The following FHOD3 variants were observed in gnomAD, a reference collection of about 807,000 sequenced individuals.
FHOD3 encodes the protein FH1/FH2 domain-containing protein 3.
A neutral mutation model predicts 173.0 loss-of-function variants in FHOD3; 90 were observed. The observed-to-expected ratio is 0.52, with a 90% CI of 0.44 to 0.62. The LOEUF (loss-of-function observed/expected upper bound fraction) is 0.62, where lower values mean the gene tolerates loss of function less well. Ranked by LOEUF, FHOD3 falls within the 20% of genes least tolerant of loss-of-function variation. The pLI, the probability that FHOD3 is intolerant of heterozygous loss-of-function variation, is 0.00. For synonymous variants in FHOD3, 828 were observed against 823.0 expected, an observed-to-expected ratio of 1.01 and a Z score of -0.10; for missense variants, 1,945 against 2,034.7, an observed-to-expected ratio of 0.96 and a Z score of 0.85.
intron 1 of FHOD3, among the ~76,000 whole-genome samples, chr18:36,298,523 C>G (rs1393714143): frequency 6.6e-6 from 1 of 152,206 alleles, no homozygotes; most frequent in Admixed American, 6.5e-5. Context: ...CCGGCGACAC[C>G]GCCTCCTCCT....
chr18:36,323,487 C>T (rs2044508353), intron 1 of FHOD3, among the ~76,000 whole-genome samples: 1 of 152,086 alleles, frequency 6.6e-6, no homozygotes. Flanking sequence ...ATGCCTTTAC[C>T]CACCCCTTCC....
At chr18:36,601,827 A>T (rs538783791) in intron 7 of FHOD3, among the ~76,000 whole-genome samples, 5 of 152,184 alleles carry the variant, frequency 3.3e-5, no homozygotes, top group African/African-American at 4.8e-5. Context: ...AACCATGTCA[A>T]GGTGTTATGT....
chr18:36,762,888 TATATA>T (rs1286957001), intron 27 of FHOD3, among the ~76,000 whole-genome samples: 7 of 147,834 alleles, frequency 4.7e-5, no homozygotes, highest in Admixed American at 1.4e-4. Context: ...TGTTAAATTT[TATATA>T]ATATGTGTAT....
chr18:36,324,594 C>T (rs760268158), intron 1 of FHOD3, among the ~76,000 whole-genome samples: 1 of 152,124 alleles, frequency 6.6e-6, no homozygotes, highest in African/African-American at 2.4e-5. Context: ...ATAGGTACTC[C>T]GTTCAAGATG....
chr18:36,496,305 T>C (rs182650290), intron 3 of FHOD3, among the ~76,000 whole-genome samples: 4 of 152,284 alleles, frequency 2.6e-5, no homozygotes, highest in African/African-American at 7.2e-5. Flanking sequence ...AAGTTGCTGG[T>C]TTGGGCATGA....
chr18:36,573,255 C>T (rs2058519236), intron 5 of FHOD3, among the ~76,000 whole-genome samples: 1 of 151,320 alleles, frequency 6.6e-6, no homozygotes, highest in Non-Finnish European at 1.5e-5. Context: ...AATATATACT[C>T]AATCACAATG....
chr18:36,560,434 A>T (rs780565409), intron 5 of FHOD3, among the ~76,000 whole-genome samples: 8 of 152,216 alleles, frequency 5.3e-5, no homozygotes, highest in Non-Finnish European at 1.2e-4. Context: ...GGCCTCAAAC[A>T]CAAGTTTCTT....
In FHOD3 at chr18:36,341,456, T is replaced by G. The variant is rs1040871136; in HGVS notation, c.166-14083T>G. Reference sequence around the variant, plus strand: ...GAGGTCAGACTCATTAAGTCTGATATTCTAAGTTGCTTTTCATCTTGATGT... The same window carrying G: ...GAGGTCAGACTCATTAAGTCTGATAGTCTAAGTTGCTTTTCATCTTGATGT... On this transcript the variant is annotated intron_variant, in intron 1 of 28. Coordinates refer to ENST00000590592, the MANE Select transcript of FHOD3 (RefSeq NM_001281740.3). 2.0e-5 allele frequency among the ~76,000 whole-genome samples: 3 copies of G among 152,336 alleles called. No homozygotes were observed. In the East Asian group the frequency reaches 5.8e-4, roughly 29 times the overall value.
intron 9 of FHOD3, among the ~76,000 whole-genome samples, chr18:36,621,812 A>G (rs182041839): frequency 1.3e-5 from 2 of 152,342 alleles, no homozygotes; most frequent in East Asian, 3.9e-4. Context: ...TGAAACCACC[A>G]TATGATCCAG....
intron 3 of FHOD3, among the ~76,000 whole-genome samples, chr18:36,397,975 G>GATAC (rs2146607148): frequency 6.6e-6 from 1 of 152,188 alleles, no homozygotes; most frequent in East Asian, 1.9e-4. Flanking sequence ...TAGTCATGTG[G>GATAC]ATACAGGTAG....
chr18:36,461,033 A>G (rs1243121547), intron 3 of FHOD3, among the ~76,000 whole-genome samples: 2 of 152,156 alleles, frequency 1.3e-5, no homozygotes, highest in Non-Finnish European at 1.5e-5. Context: ...AGAGTGGAGC[A>G]CAGGATGAGG....
At chr18:36,759,023 T>G in intron 25 of FHOD3, 95 bp from the exon 26 acceptor site, 1 of 1,353,614 alleles carries the variant, frequency 7.4e-7, no homozygotes, top group East Asian at 2.5e-5. Context: ...CTTGGAATTT[T>G]ATGTGACATT....
At chr18:36,551,954 T>G (rs975120575) in intron 5 of FHOD3, among the ~76,000 whole-genome samples, 1 of 152,178 alleles carries the variant, frequency 6.6e-6, no homozygotes, top group Admixed American at 6.5e-5. Flanking sequence ...TTGTTCTTTT[T>G]GCTTAGGATT....
chr18:36,739,999 A>G (rs1360694947), intron 20 of FHOD3, among the ~76,000 whole-genome samples: 4 of 152,208 alleles, frequency 2.6e-5, no homozygotes, highest in African/African-American at 7.2e-5. Context: ...GTAGGAGTAG[A>G]CATGAGAATT....
intron 3 of FHOD3, among the ~76,000 whole-genome samples, chr18:36,373,045 G>T (rs1459407581): frequency 6.6e-6 from 1 of 152,140 alleles, no homozygotes; most frequent in Non-Finnish European, 1.5e-5. Context: ...CTAGCACATT[G>T]ACCTGATCTT....
Position 36,533,573 on chromosome 18 carries a change from C to G in FHOD3, c.511+21030C>G, listed in dbSNP as rs182677835. ...TATGCCCAGCTGCTCTTGAAAAGGT[C>G]TGAGGGCCTTTTTAATGGTCTCCCG... On this transcript the variant is annotated intron_variant, in intron 5 of 28. Coordinates refer to ENST00000590592, the MANE Select transcript of FHOD3 (RefSeq NM_001281740.3). Among the ~76,000 whole-genome samples the G allele has an allele frequency of 1.8e-4, 28 of 152,326 alleles. 1 individual carries two copies. The highest frequency in any genetic ancestry group is 6.5e-4 in the African/African-American group (27 of 41,578).
At chr18:36,511,913 C>T (rs910012510) in intron 4 of FHOD3, among the ~76,000 whole-genome samples, 1 of 152,214 alleles carries the variant, frequency 6.6e-6, no homozygotes, top group South Asian at 2.1e-4. Flanking sequence ...GCTTGTCCTA[C>T]AGGCAGCACA....
intron 3 of FHOD3, among the ~76,000 whole-genome samples, chr18:36,414,303 CATTCACATAAAAGTCCT>C (rs1463989840): frequency 2.0e-5 from 3 of 152,216 alleles, no homozygotes; most frequent in Non-Finnish European, 4.4e-5. Context: ...AAGCAAAGCT[CATTCACATAAAAGTCCT>C]ATTAAAAGTT....
intron 1 of FHOD3, among the ~76,000 whole-genome samples, chr18:36,341,421 G>A (rs2045612634): frequency 6.6e-6 from 1 of 152,164 alleles, no homozygotes; most frequent in Non-Finnish European, 1.5e-5. Context: ...AGAAAAAAAG[G>A]AGACTCAGTG....
Sources: allele counts gnomAD v4.1 joint callset (sites outside exome capture counted in the v4.1 genomes callset), GRCh38; gene constraint gnomAD v4.1.1; transcripts MANE v1.5; gene names NCBI Gene and HGNC (gene_info 2026-07-23, HGNC 2026-07-21).